The following TUSC3 variants were observed in gnomAD, a reference collection of about 807,000 sequenced individuals.
TUSC3 encodes tumor suppressor candidate 3, also known as dolichyl-diphosphooligosaccharide--protein glycosyltransferase subunit TUSC3.
Under a neutral mutation model 44.8 loss-of-function variants are expected in TUSC3, and 45 were observed. The observed-to-expected ratio is 1.00, with a 90% CI of 0.79 to 1.29. TUSC3 has a LOEUF of 1.29. Ranked by LOEUF, TUSC3 falls within the 50% of genes most tolerant of loss-of-function variation. TUSC3 has a pLI of 0.00. For missense variants in TUSC3, 519 were observed against 437.9 expected (o/e 1.19, Z -1.65); for synonymous variants, 212 against 152.9 (o/e 1.39, Z -2.85).
At chr8:15,438,833 G>C (rs1799984543) in intron 1 of TUSC3, among the ~76,000 whole-genome samples, 2 of 152,162 alleles carry the variant, frequency 1.3e-5, no homozygotes, top group Non-Finnish European at 2.9e-5. Context: ...TCTCAAAGAT[G>C]ATGAGTGAAT....
At chr8:15,423,333 A>G (rs1799761562) in intron 1 of TUSC3, among the ~76,000 whole-genome samples, 2 of 152,168 alleles carry the variant, frequency 1.3e-5, no homozygotes, top group African/African-American at 4.8e-5. Context: ...TGATCAATTT[A>G]AAGTGAGTTG....
At chr8:15,828,277 G>A in the TUSC3 span, among the ~76,000 whole-genome samples, 4 of 152,176 alleles carry the variant, frequency 2.6e-5, no homozygotes, top group African/African-American at 7.2e-5. Context: ...TTATAGGCAT[G>A]AGCCACCGCA....
intron 6 of TUSC3, among the ~76,000 whole-genome samples, chr8:15,674,580 A>C (rs935514409): frequency 1.3e-5 from 2 of 151,924 alleles, no homozygotes; most frequent in African/African-American, 4.8e-5. Context: ...CTCTCATCTC[A>C]TAACTATTCT....
downstream of TUSC3, among the ~76,000 whole-genome samples, chr8:15,770,935 A>G (rs1286958371): frequency 6.6e-6 from 1 of 152,244 alleles, no homozygotes; most frequent in Non-Finnish European, 1.5e-5. Context: ...TCCACATAGT[A>G]TACACATTCA....
At chr8:15,832,339 T>G in the TUSC3 span, among the ~76,000 whole-genome samples, 1 of 152,108 alleles carries the variant, frequency 6.6e-6, no homozygotes, top group Non-Finnish European at 1.5e-5. Context: ...TACACTGAAG[T>G]ACACAGACCT....
At chr8:15,675,557 G>A (rs1808148881) in intron 6 of TUSC3, among the ~76,000 whole-genome samples, 1 of 151,902 alleles carries the variant, frequency 6.6e-6, no homozygotes, top group Non-Finnish European at 1.5e-5. Flanking sequence ...TGTCACCGAA[G>A]TACTGAGTAT....
At chr8:15,641,783 A>G (rs750143645) in intron 2 of TUSC3, among the ~76,000 whole-genome samples, 4 of 152,234 alleles carry the variant, frequency 2.6e-5, no homozygotes, top group Non-Finnish European at 5.9e-5. Context: ...CTACTTGGCC[A>G]CATCATAATA....
At chr8:15,640,455 T>C (rs1806313593) in intron 2 of TUSC3, among the ~76,000 whole-genome samples, 1 of 152,234 alleles carries the variant, frequency 6.6e-6, no homozygotes, top group Non-Finnish European at 1.5e-5. Flanking sequence ...AACGTGGTGA[T>C]GGTACTGGGG....
At chr8:15,777,863 G>T in the TUSC3 span, among the ~76,000 whole-genome samples, 1 of 151,978 alleles carries the variant, frequency 6.6e-6, no homozygotes, top group Non-Finnish European at 1.5e-5. Context: ...AAAAATTAAG[G>T]TTATCAATAT....
chr8:15,793,266 C>T, the TUSC3 span, among the ~76,000 whole-genome samples: 28 of 152,152 alleles, frequency 1.8e-4, no homozygotes, highest in African/African-American at 6.5e-4. Context: ...CTGCTTCTCA[C>T]ACAGCAGCAG....
intron 2 of TUSC3, among the ~76,000 whole-genome samples, chr8:15,483,878 C>G (rs1376015376): frequency 6.9e-6 from 1 of 145,320 alleles, no homozygotes; most frequent in South Asian, 2.2e-4. Context: ...AGGGTGGTCT[C>G]GATCTCCTGA....
the TUSC3 span, among the ~76,000 whole-genome samples, chr8:15,843,607 T>C: frequency 6.8e-6 from 1 of 146,684 alleles, no homozygotes; most frequent in Non-Finnish European, 1.5e-5. Context: ...TATATATATA[T>C]ATATATATAT....
At chr8:15,850,047 CCTG>C in the TUSC3 span, among the ~76,000 whole-genome samples, 1 of 152,140 alleles carries the variant, frequency 6.6e-6, no homozygotes, top group South Asian at 2.1e-4. Flanking sequence ...TATTTCTACA[CCTG>C]CTATCTTGGT....
the TUSC3 span, chr8:15,806,174 G>A: frequency 1.3e-4 from 62 of 482,644 alleles, no homozygotes; most frequent in African/African-American, 1.1e-3. Flanking sequence ...TTGATGTGGA[G>A]TCACTGTCAT....
intron 1 of TUSC3, among the ~76,000 whole-genome samples, chr8:15,543,352 G>C (rs1231678861): frequency 6.6e-6 from 1 of 152,108 alleles, no homozygotes; most frequent in African/African-American, 2.4e-5. Flanking sequence ...AATCAGGAAA[G>C]GACATTAGTT....
rs757261002 is a variant in TUSC3 at position 15,623,244 on chromosome 8, G to T, written c.303G>T (p.Val101=). 8 of 1,592,022 alleles carry T rather than the reference G, an allele frequency of 5.0e-6. No homozygotes were observed. The South Asian group carries it at 9.4e-5, about 19-fold the overall frequency. Residue 101 remains valine, a synonymous_variant, in exon 2 of 11, where the codon GTG becomes GTT. Coordinates refer to ENST00000503731, the MANE Select transcript of TUSC3 (RefSeq NM_006765.4). ...TTCAGCCTCAGCGGCAGTGTTCTGT[G>T]TGCAGGTAATTTATGTAATTAAAAA... ...TALQPQRQCS[V]CRQANEEYQI...
chr8:15,563,192 G>C (rs1477923371), intron 1 of TUSC3, among the ~76,000 whole-genome samples: 1 of 152,106 alleles, frequency 6.6e-6, no homozygotes, highest in South Asian at 2.1e-4. Context: ...TAAAATTAAA[G>C]TGATGATAAC....
chr8:15,608,627 A>G (rs1438242142), intron 1 of TUSC3, among the ~76,000 whole-genome samples: 1 of 152,092 alleles, frequency 6.6e-6, no homozygotes, highest in African/African-American at 2.4e-5. Flanking sequence ...GGTTTCCCCC[A>G]TGTTGTTCTT....
chr8:15,744,155 T>A (rs753306718), intron 8 of TUSC3, among the ~76,000 whole-genome samples: 1 of 152,212 alleles, frequency 6.6e-6, no homozygotes, highest in Admixed American at 6.5e-5. Context: ...TTTCCATTGA[T>A]ATACCAAGAT....
Sources: gnomAD v4.1 joint callset for allele counts (sites outside exome capture counted in the v4.1 genomes callset) on GRCh38, gnomAD v4.1.1 for gene constraint, MANE v1.5 for transcripts, NCBI Gene and HGNC (gene_info 2026-07-23, HGNC 2026-07-21) for gene names.